TDRD12: variants seen among roughly 807,000 people sequenced by gnomAD.
TDRD12 encodes the protein tudor domain containing 12.
In TDRD12, 158 loss-of-function variants were observed where a neutral mutation model predicts 133.5. That is an observed-to-expected ratio of 1.18 (90% confidence interval 1.04 to 1.35). The LOEUF (loss-of-function observed/expected upper bound fraction) is 1.35. TDRD12 is among the 40% of genes most tolerant of loss of function. TDRD12 has a pLI of 0.00. For synonymous variants in TDRD12, 460 were observed against 477.9 expected (o/e 0.96, Z 0.49); for missense variants, 1,443 against 1,321.3 (o/e 1.09, Z -1.43).
chr19:32,744,816 C>A (rs1242247179), intron 4 of TDRD12, among the ~76,000 whole-genome samples: 1 of 152,134 alleles, frequency 6.6e-6, no homozygotes, highest in East Asian at 1.9e-4. Context: ...GGGACGATGG[C>A]ATTATGGAAG....
chr19:32,823,822 G>A (rs1967490810), downstream of TDRD12, among the ~76,000 whole-genome samples: 4 of 152,320 alleles, frequency 2.6e-5, no homozygotes, highest in South Asian at 2.1e-4. Flanking sequence ...GTAGCAGACC[G>A]GGATCCAGTA....
At chr19:32,723,994 C>T (rs2145409064) in intron 1 of TDRD12, among the ~76,000 whole-genome samples, 1 of 151,936 alleles carries the variant, frequency 6.6e-6, no homozygotes, top group African/African-American at 2.4e-5. Flanking sequence ...AGTAGCTGGG[C>T]CTAAAGGCAT....
At chr19:32,728,507 A>G (rs747018749) in intron 1 of TDRD12, among the ~76,000 whole-genome samples, 8 of 152,084 alleles carry the variant, frequency 5.3e-5, no homozygotes, top group South Asian at 2.1e-4. Flanking sequence ...TGTGTAGACA[A>G]TTGTGTTCTT....
intron 27 of TDRD12, among the ~76,000 whole-genome samples, chr19:32,818,432 G>A (rs1005435617): frequency 6.4e-4 from 98 of 152,314 alleles, no homozygotes; most frequent in African/African-American, 2.2e-3. Flanking sequence ...TTGAGCAGAG[G>A]AGTGACTTGA....
At chr19:32,770,101 A>T (rs1247816707) in intron 8 of TDRD12, among the ~76,000 whole-genome samples, 1 of 150,696 alleles carries the variant, frequency 6.6e-6, no homozygotes, top group East Asian at 2.0e-4. Context: ...CTGCCTCCCA[A>T]CTTTAAGCAA....
chr19:32,801,895 T>G, intron 19 of TDRD12, 22 bp downstream of exon 19: 1 of 932,576 alleles, frequency 1.1e-6, no homozygotes, highest in Non-Finnish European at 1.6e-6. Flanking sequence ...AATTTCTACT[T>G]CTATTTAGTG....
Position 32,765,725 on chromosome 19 carries a change from C to T in TDRD12, c.866-7028C>T, listed in dbSNP as rs1052340936. On this transcript the variant is annotated intron_variant, in intron 8 of 27. Transcript: ENST00000444215. ...GACACAGGAAGGGGAACATCACACA[C>T]CGGGGGCCTGTTGTGGGGTGGGGGT... Among the ~76,000 whole-genome samples the T allele has an allele frequency of 1.4e-3, 213 of 148,820 alleles. 3 individuals carry two copies. Among genetic ancestry groups the T allele is most frequent in the African/African-American group, 5.1e-3 (205 of 40,526 alleles).
intron 2 of TDRD12, among the ~76,000 whole-genome samples, chr19:32,734,971 A>G (rs1373741615): frequency 6.6e-6 from 1 of 152,176 alleles, no homozygotes; most frequent in African/African-American, 2.4e-5. Context: ...AGTGAATTTT[A>G]TCAATAAATG....
At chr19:32,801,806 T>A (rs745516078) in exon 19 of TDRD12, 2 of 1,478,832 alleles carry the variant, frequency 1.4e-6, no homozygotes, top group South Asian at 2.5e-5. Context: ...AAGAAATGAT[T>A]TTTAACTTAC....
exon 17 of TDRD12, chr19:32,800,302 C>T (rs1971349424): frequency 6.5e-7 from 1 of 1,529,320 alleles, no homozygotes; most frequent in African/African-American, 1.4e-5. Flanking sequence ...CATGAATGAT[C>T]CCTACATTGT....
chr19:32,748,207 G>C (rs1443690830), intron 4 of TDRD12, among the ~76,000 whole-genome samples: 8 of 152,152 alleles, frequency 5.3e-5, no homozygotes, highest in African/African-American at 1.9e-4. Flanking sequence ...TGGTGTGACA[G>C]ACAGTGCAGT....
rs767371112 is a variant in TDRD12 at position 32,815,589 on chromosome 19, C to A, written c.3283C>A (p.Pro1095Thr). ...AAAATTACGCGAAGATGCTAAGATA[C>A]CAGCTTGTGAAGAAAGCCTAAGCCA... Residue 1095 changes from proline (P) to threonine (T), a missense_variant, in exon 26 of 28, where the codon CCA becomes ACA. Transcript: ENST00000444215. 4 of 1,536,134 alleles carry A rather than the reference C, an allele frequency of 2.6e-6. No homozygotes were observed. In the South Asian group the frequency reaches 4.8e-5, roughly 18 times the overall value.
At chr19:32,751,658 C>G (rs1396030849) in intron 6 of TDRD12, among the ~76,000 whole-genome samples, 5 of 151,574 alleles carry the variant, frequency 3.3e-5, no homozygotes, top group Non-Finnish European at 5.9e-5. Context: ...TAGCTTGCTG[C>G]AGCCTCAACC....
At chr19:32,790,349 G>A (rs1407389594) in intron 11 of TDRD12, among the ~76,000 whole-genome samples, 182 bp from the exon 12 acceptor site, 1 of 152,210 alleles carries the variant, frequency 6.6e-6, no homozygotes, top group East Asian at 1.9e-4. Context: ...GCAGGGTTGT[G>A]GCAGCACAGG....
At chr19:32,779,919 G>T (rs1970712439) in intron 11 of TDRD12, among the ~76,000 whole-genome samples, 1 of 151,996 alleles carries the variant, frequency 6.6e-6, no homozygotes. Flanking sequence ...AGCTCTCTCT[G>T]CAGTTCTTTG....
chr19:32,798,615 T>C (rs1971298154), intron 16 of TDRD12, among the ~76,000 whole-genome samples, 180 bp downstream of exon 16: 1 of 152,232 alleles, frequency 6.6e-6, no homozygotes, highest in South Asian at 2.1e-4. Context: ...CTTCCCAGTG[T>C]TAGAATTCTT....
chr19:32,811,126 A>G (rs1599618538), intron 23 of TDRD12, 84 bp from the exon 24 acceptor site: 1 of 1,087,140 alleles, frequency 9.2e-7, no homozygotes, highest in Non-Finnish European at 1.3e-6. Flanking sequence ...GTCTTTTTAT[A>G]TGTTTTCCAT....
chr19:32,725,985 G>A (rs994726738), intron 1 of TDRD12, among the ~76,000 whole-genome samples: 2 of 151,862 alleles, frequency 1.3e-5, no homozygotes, highest in Admixed American at 6.6e-5. Flanking sequence ...ATTAGTTCTG[G>A]CATATATTAT....
intron 21 of TDRD12, 96 bp from the exon 22 acceptor site, chr19:32,807,453 T>C: frequency 1.3e-6 from 1 of 756,922 alleles, no homozygotes; most frequent in South Asian, 2.2e-5. Context: ...AAAAGTTATC[T>C]GATTTAGGTT....
Sources: gnomAD v4.1 joint callset for allele counts (sites outside exome capture counted in the v4.1 genomes callset) on GRCh38, gnomAD v4.1.1 for gene constraint, MANE v1.5 for transcripts, NCBI Gene and HGNC (gene_info 2026-07-23, HGNC 2026-07-21) for gene names.